The following SYT1 variants were observed in gnomAD, a reference collection of about 807,000 sequenced individuals.
SYT1 encodes synaptotagmin 1.
A neutral mutation model predicts 44.8 loss-of-function variants in SYT1; 8 were observed. The ratio of observed to expected loss-of-function variants is 0.18; its 90% CI spans 0.10 to 0.32. The LOEUF is 0.32. Ranked by LOEUF, SYT1 falls within the 10% of genes least tolerant of loss-of-function variation. The pLI, the probability that SYT1 is intolerant of heterozygous loss-of-function variation, is 1.00. For synonymous variants in SYT1, 154 were observed against 188.8 expected (o/e 0.82, Z 1.51); for missense variants, 286 against 509.3 (o/e 0.56, Z 4.22).
At position 79,148,127 on chromosome 12, in the gene SYT1, T is replaced by G. The variant is rs190707955; in HGVS notation, c.-17-69376T>G. Among the ~76,000 whole-genome samples the G allele has an allele frequency of 3.9e-5, 6 of 152,264 alleles. No individual in the cohort carries two copies. The East Asian group carries it at 1.2e-3, about 29-fold the overall frequency. On this transcript the variant is annotated intron_variant, in intron 3 of 10. Transcript: ENST00000261205. ...GCATGCAGTGCTGTGTGGGCAAAAT[T>G]GGATTGCAATCATAGGCATTTCAAA...
chr12:79,001,197 A>T (rs565713717), intron 2 of SYT1, among the ~76,000 whole-genome samples: 1 of 152,130 alleles, frequency 6.6e-6, no homozygotes, highest in Non-Finnish European at 1.5e-5. Flanking sequence ...TACATGCTAC[A>T]TTTAATGGAC....
rs1883746688 is a variant in SYT1, at chr12:79,370,639, T to C, written c.928+17020T>C. On this transcript the variant is annotated intron_variant, in intron 9 of 10. Coordinates refer to ENST00000261205, the MANE Select transcript of SYT1 (RefSeq NM_005639.3). ...TTAGCCGGGCATGGTGACGGGCGCC[T>C]GTAGTCCCAGCTACTCAGGAGGCTG... Among the ~76,000 whole-genome samples the C allele has an allele frequency of 2.0e-5, 3 of 152,030 alleles. No individual in the cohort carries two copies. The South Asian group carries it at 6.2e-4, about 32-fold the overall frequency.
At chr12:79,442,148 C>A (rs1227208363) in intron 9 of SYT1, among the ~76,000 whole-genome samples, 1 of 152,196 alleles carries the variant, frequency 6.6e-6, no homozygotes, top group Admixed American at 6.5e-5. Context: ...AGTTTCAACA[C>A]ATGAACACAG....
chr12:79,367,448 A>C (rs1318176049), intron 9 of SYT1, among the ~76,000 whole-genome samples: 2 of 152,212 alleles, frequency 1.3e-5, no homozygotes, highest in Non-Finnish European at 2.9e-5. Flanking sequence ...AATATGAGTC[A>C]GTATTTGTTG....
At position 79,444,172 on chromosome 12, in the gene SYT1, C is replaced by A; in HGVS notation, c.1028C>A (p.Ser343Ter). 1 of 1,613,368 alleles carries A rather than the reference C, an allele frequency of 6.2e-7. No individual in the cohort carries two copies. Among genetic ancestry groups the A allele is most frequent in the South Asian group, 1.1e-5 (1 of 90,930 alleles). Residue 343 changes from serine to a stop codon, truncating the protein, a stop_gained, in exon 10 of 11, where the codon TCA (serine) becomes TAA (stop). Coordinates refer to ENST00000261205, the MANE Select transcript of SYT1 (RefSeq NM_005639.3). LOFTEE classifies it high-confidence loss of function. Reference sequence around the variant, plus strand: ...ACACTTAACCCCTACTACAATGAGTCATTCAGCTTTGAAGTACCTTTTGAA... The same window carrying A: ...ACACTTAACCCCTACTACAATGAGTAATTCAGCTTTGAAGTACCTTTTGAA... Reference protein sequence around the residue: ...KNTLNPYYNESFSFEVPFEQI... With the variant: ...KNTLNPYYNE
At chr12:79,088,780 A>ATG (rs1279062117) in intron 3 of SYT1, among the ~76,000 whole-genome samples, 14 of 92,664 alleles carry the variant, frequency 1.5e-4, no homozygotes, top group Non-Finnish European at 2.8e-4. Flanking sequence ...GTGTGTGTGT[A>ATG]TGTGTGTGTG....
In SYT1 at chr12:79,035,420, A is replaced by T. The variant is rs1873067747; in HGVS notation, c.-83-11877A>T. 2.0e-5 allele frequency among the ~76,000 whole-genome samples: 3 copies of T among 151,678 alleles called. No individual in the cohort carries two copies. In the South Asian group the frequency reaches 6.2e-4, roughly 31 times the overall value. On this transcript the variant is annotated intron_variant, in intron 2 of 10. Coordinates refer to ENST00000261205, the MANE Select transcript of SYT1 (RefSeq NM_005639.3). ...AGTTACCTTAGAGCACTTTGTAAAG[A>T]TTTTTGGTTGGCTTCTCCTTTTTAT...
At chr12:79,070,778 TA>T (rs1441133637) in intron 3 of SYT1, among the ~76,000 whole-genome samples, 1 of 152,086 alleles carries the variant, frequency 6.6e-6, no homozygotes, top group African/African-American at 2.4e-5. Context: ...GTACTATGCT[TA>T]CTACCTGAGT....
chr12:79,125,862 T>C (rs1218755447), intron 3 of SYT1, among the ~76,000 whole-genome samples: 1 of 152,152 alleles, frequency 6.6e-6, no homozygotes, highest in East Asian at 1.9e-4. Flanking sequence ...TCCTAACCTC[T>C]GCAGGAAGTA....
chr12:79,120,708 G>A (rs897011384), intron 3 of SYT1, among the ~76,000 whole-genome samples: 1 of 152,016 alleles, frequency 6.6e-6, no homozygotes, highest in Non-Finnish European at 1.5e-5. Flanking sequence ...GTTATATGAT[G>A]TTTCATGTGA....
chr12:79,056,617 A>G (rs1460323742), intron 3 of SYT1, among the ~76,000 whole-genome samples: 1 of 152,064 alleles, frequency 6.6e-6, no homozygotes, highest in Non-Finnish European at 1.5e-5. Context: ...CAAACTCTAG[A>G]CTGAACAGAT....
intron 2 of SYT1, among the ~76,000 whole-genome samples, chr12:79,024,896 T>C (rs1453630033): frequency 6.6e-6 from 1 of 151,830 alleles, no homozygotes; most frequent in Non-Finnish European, 1.5e-5. Context: ...TGGCTACATA[T>C]TTTGTTATTT....
At chr12:79,314,054 A>AGCTACTC in intron 8 of SYT1, among the ~76,000 whole-genome samples, 1 of 150,264 alleles carries the variant, frequency 6.7e-6, no homozygotes, top group East Asian at 2.0e-4. Flanking sequence ...CTGTAGTCCC[A>AGCTACTC]GCTACTCGGG....
At chr12:79,113,607 C>T (rs1879129416) in intron 3 of SYT1, among the ~76,000 whole-genome samples, 1 of 152,064 alleles carries the variant, frequency 6.6e-6, no homozygotes, top group African/African-American at 2.4e-5. Flanking sequence ...TTTCTTTAAC[C>T]CAGTGCTTTC....
At chr12:79,026,657 CATATATATTTT>C (rs1431924525) in intron 2 of SYT1, among the ~76,000 whole-genome samples, 5 of 89,068 alleles carry the variant, frequency 5.6e-5, no homozygotes, top group African/African-American at 1.3e-4. Flanking sequence ...TGTGTATATA[CATATATATTTT>C]ATATATATAT....
intron 8 of SYT1, among the ~76,000 whole-genome samples, chr12:79,335,344 T>C (rs919628091): frequency 4.6e-5 from 7 of 152,054 alleles, no homozygotes; most frequent in African/African-American, 1.7e-4. Context: ...CTGTGTGTTC[T>C]TATGCCTTTC....
intron 3 of SYT1, among the ~76,000 whole-genome samples, chr12:79,146,860 A>G (rs1307924209): frequency 6.6e-6 from 1 of 151,684 alleles, no homozygotes; most frequent in Non-Finnish European, 1.5e-5. Context: ...CTTTTTTTTG[A>G]GATGGAGTCT....
intron 8 of SYT1, among the ~76,000 whole-genome samples, chr12:79,331,032 C>A (rs1457287981): frequency 6.6e-6 from 1 of 152,148 alleles, no homozygotes; most frequent in African/African-American, 2.4e-5. Context: ...TTCTTAGTGA[C>A]CCCAGGAAAA....
At chr12:79,272,738 C>A (rs1878497886) in intron 4 of SYT1, among the ~76,000 whole-genome samples, 1 of 152,096 alleles carries the variant, frequency 6.6e-6, no homozygotes, top group Non-Finnish European at 1.5e-5. Context: ...TGAGAACCAC[C>A]TTAAGTAGCA....
Sources: allele counts gnomAD v4.1 joint callset (sites outside exome capture counted in the v4.1 genomes callset), GRCh38; gene constraint gnomAD v4.1.1; transcripts MANE v1.5; gene names NCBI Gene and HGNC (gene_info 2026-07-23, HGNC 2026-07-21).